Variants in UTRN observed in about 807,000 individuals in gnomAD.
UTRN encodes the protein dystrophin-related protein 1.
In UTRN, 283 loss-of-function variants were observed where a neutral mutation model predicts 463.9. That is an observed-to-expected ratio of 0.61 (90% CI 0.55 to 0.67). UTRN has a LOEUF of 0.67. Among genes scored for constraint, UTRN ranks in the 30% least tolerant of loss-of-function variants. UTRN has a pLI of 0.00. For missense variants in UTRN, 3,922 were observed against 4,084.3 expected (o/e 0.96, Z 1.08); for synonymous variants, 1,442 against 1,431.5 (o/e 1.01, Z -0.17).
At chr6:144,666,567 A>T (rs1008281228) in intron 51 of UTRN, among the ~76,000 whole-genome samples, 25 of 152,196 alleles carry the variant, frequency 1.6e-4, no homozygotes, top group African/African-American at 6.0e-4. Context: ...TACAGAAGAA[A>T]TATTAAGATG....
chr6:144,470,996 G>C (rs530431948), intron 23 of UTRN, among the ~76,000 whole-genome samples: 1 of 146,046 alleles, frequency 6.8e-6, no homozygotes, highest in African/African-American at 2.5e-5. Context: ...GCCTTGGCTC[G>C]GCATCAGAGG....
At chr6:144,692,037 C>T (rs1029237827) in intron 52 of UTRN, among the ~76,000 whole-genome samples, 12 of 152,284 alleles carry the variant, frequency 7.9e-5, no homozygotes, top group Middle Eastern at 3.4e-3. Context: ...TCCTCTCCCT[C>T]CTCCCATCTT....
chr6:144,846,317 C>T (rs543377191), intron 73 of UTRN, among the ~76,000 whole-genome samples: 4 of 152,224 alleles, frequency 2.6e-5, no homozygotes, highest in Non-Finnish European at 5.9e-5. Context: ...ATTAGGCCAG[C>T]ACTTTCCTTG....
chr6:144,485,350 G>A, intron 27 of UTRN, 35 bp from the exon 28 acceptor site: 1 of 1,613,130 alleles, frequency 6.2e-7, no homozygotes, highest in Non-Finnish European at 8.5e-7. Context: ...GTGTGAAATG[G>A]CTTTTTGTCT....
rs1405828592 is a variant in UTRN at position 144,852,571 on chromosome 6, T to C, written c.*1574T>C. ...TTGAAAAGAAGAAAATTGTTTTATATAAAAAGGAAAGCCATGACCACCTTT... is the reference window on the plus strand; with the variant it reads ...TTGAAAAGAAGAAAATTGTTTTATACAAAAAGGAAAGCCATGACCACCTTT... On this transcript the variant is annotated 3_prime_UTR_variant, in exon 75 of 75. Transcript: ENST00000367545. 1 of 152,552 alleles carries C rather than the reference T, an allele frequency of 6.6e-6. No individual in the cohort carries two copies. Among genetic ancestry groups the C allele is most frequent in the Non-Finnish European group, 1.5e-5 (1 of 68,006 alleles). 9.4% of individuals were successfully genotyped at this position (152,552 alleles called of 1,614,324 possible).
intron 51 of UTRN, among the ~76,000 whole-genome samples, chr6:144,643,195 G>C (rs1013428848): frequency 1.3e-5 from 2 of 152,152 alleles, no homozygotes; most frequent in Admixed American, 1.3e-4. Context: ...ATCAGAAAAT[G>C]ATGGAGACTA....
chr6:144,479,280 G>T (rs988555268), intron 25 of UTRN, among the ~76,000 whole-genome samples: 1 of 151,880 alleles, frequency 6.6e-6, no homozygotes, highest in African/African-American at 2.4e-5. Context: ...CACCATGCCT[G>T]GTTAGTTTTT....
intron 2 of UTRN, among the ~76,000 whole-genome samples, chr6:144,294,034 T>A (rs1804474955): frequency 6.6e-6 from 1 of 152,100 alleles, no homozygotes; most frequent in Non-Finnish European, 1.5e-5. Flanking sequence ...ATGTTAATAG[T>A]GGTCATCTTG....
At chr6:144,702,900 T>G (rs1586110829) in intron 53 of UTRN, among the ~76,000 whole-genome samples, 1 of 152,286 alleles carries the variant, frequency 6.6e-6, no homozygotes, top group East Asian at 1.9e-4. Flanking sequence ...TCCTTGAATA[T>G]TCTTTCTTAA....
chr6:144,341,035 C>A (rs1777101214), intron 2 of UTRN, among the ~76,000 whole-genome samples: 1 of 152,218 alleles, frequency 6.6e-6, no homozygotes. Context: ...CCTGAGCTAT[C>A]ATGATATTTC....
At chr6:144,833,895 C>T (rs1245699095) in intron 69 of UTRN, among the ~76,000 whole-genome samples, 2 of 152,156 alleles carry the variant, frequency 1.3e-5, no homozygotes, top group Non-Finnish European at 2.9e-5. Context: ...CCCATATCTC[C>T]CTGCCAGTCT....
chr6:144,287,933 T>G (rs1803848898), intron 1 of UTRN, among the ~76,000 whole-genome samples: 1 of 152,244 alleles, frequency 6.6e-6, no homozygotes, highest in South Asian at 2.1e-4. Flanking sequence ...TCACCTAGCC[T>G]TCTGTGAAGA....
At chr6:144,470,849 AC>A (rs1161769548) in intron 23 of UTRN, among the ~76,000 whole-genome samples, 2 of 151,256 alleles carry the variant, frequency 1.3e-5, no homozygotes, top group Non-Finnish European at 2.9e-5. Context: ...ACACGGCGAA[AC>A]CCCGTCTCCA....
intron 33 of UTRN, among the ~76,000 whole-genome samples, chr6:144,494,260 C>T (rs1466655821): frequency 1.3e-4 from 20 of 152,046 alleles, no homozygotes; most frequent in Admixed American, 1.3e-3. Flanking sequence ...CTTGGAGTTT[C>T]TTCCTTCTGG....
intron 2 of UTRN, among the ~76,000 whole-genome samples, chr6:144,327,714 G>A (rs1776059625): frequency 6.6e-6 from 1 of 152,098 alleles, no homozygotes; most frequent in South Asian, 2.1e-4. Context: ...GAGGCCGAGT[G>A]GGTGGATCTC....
chr6:144,835,793 G>A lies in UTRN; in HGVS notation c.9679G>A (p.Ala3227Thr), dbSNP rs746232110. ...STTGSVEDEH[A>T]LIQQYCQTLG... Reference sequence around the variant, plus strand: ...TTGTCTTGCTAGGGAAGACGAGCACGCCCTCATCCAGCAGTATTGCCAAAC... The same window carrying A: ...TTGTCTTGCTAGGGAAGACGAGCACACCCTCATCCAGCAGTATTGCCAAAC... Residue 3227 changes from alanine to threonine, a missense_variant, in exon 70 of 75, where the codon GCC becomes ACC. Ala to Thr is a moderately conservative substitution (Grantham distance 58, BLOSUM62 0). Around this residue, in one of 3 missense-constraint regions of UTRN, gnomAD observed 1,309 missense variants for 1,452.6 expected, o/e 0.90. Transcript: ENST00000367545. The A allele has an allele frequency of 1.5e-5, 24 of 1,613,858 alleles. No homozygotes were observed. The highest frequency in any genetic ancestry group is 8.3e-5 in the Admixed American group (5 of 59,998).
chr6:144,325,230 T>G (rs1233537843), intron 2 of UTRN, among the ~76,000 whole-genome samples: 9 of 152,196 alleles, frequency 5.9e-5, no homozygotes, highest in Admixed American at 5.2e-4. Flanking sequence ...CAACAGTGTT[T>G]GGAGGTGGGG....
At chr6:144,716,437 C>T (rs1223260081) in intron 53 of UTRN, among the ~76,000 whole-genome samples, 1 of 151,878 alleles carries the variant, frequency 6.6e-6, no homozygotes, top group Non-Finnish European at 1.5e-5. Context: ...ATAAATATAG[C>T]CCCAAGTCAT....
chr6:144,717,627 CTTT>C (rs1333769413), intron 53 of UTRN, among the ~76,000 whole-genome samples: 1 of 112,626 alleles, frequency 8.9e-6, no homozygotes, highest in East Asian at 3.9e-4. Context: ...TTTTTCTTTT[CTTT>C]TTTCTTTTTT....
Sources: allele counts gnomAD v4.1 joint callset (sites outside exome capture counted in the v4.1 genomes callset), GRCh38; gene constraint gnomAD v4.1.1; regional missense constraint gnomAD v4.1.1; transcripts MANE v1.5; gene names NCBI Gene and HGNC (gene_info 2026-07-23, HGNC 2026-07-21).